The following SLX4IP variants were observed in gnomAD, a reference collection of about 807,000 sequenced individuals.
SLX4IP encodes protein SLX4IP.
Under a neutral mutation model 32.9 loss-of-function variants are expected in SLX4IP, and 34 were observed. The observed-to-expected ratio is 1.03, with a 90% CI of 0.79 to 1.38. The LOEUF (loss-of-function observed/expected upper bound fraction) is 1.38. Among genes scored for constraint, SLX4IP ranks in the 40% most tolerant of loss-of-function variants. The pLI, the probability that SLX4IP is intolerant of heterozygous loss-of-function variation, is 0.00. For missense variants in SLX4IP, 444 were observed against 479.0 expected, an observed-to-expected ratio of 0.93 and a Z score of 0.68; for synonymous variants, 172 against 171.7, an observed-to-expected ratio of 1.00 and a Z score of -0.01.
intron 2 of SLX4IP, among the ~76,000 whole-genome samples, chr20:10,505,114 A>T (rs950731055): frequency 6.6e-6 from 1 of 152,240 alleles, no homozygotes; most frequent in Non-Finnish European, 1.5e-5. Context: ...GACACACTGT[A>T]CTGAGAACTT....
chr20:10,581,616 T>C (rs2066586953), intron 4 of SLX4IP, among the ~76,000 whole-genome samples: 3 of 152,138 alleles, frequency 2.0e-5, no homozygotes, highest in Admixed American at 1.3e-4. Context: ...GCGGACTTTC[T>C]AGTAAAACAA....
chr20:10,527,253 G>C (rs1014734970), intron 2 of SLX4IP, among the ~76,000 whole-genome samples: 2 of 152,110 alleles, frequency 1.3e-5, no homozygotes, highest in South Asian at 4.1e-4. Context: ...TCGCCCATGA[G>C]GGTCCTAACT....
chr20:10,473,545 CAG>C lies in SLX4IP; in HGVS notation c.27+15317_27+15318del, dbSNP rs2065444871. On this transcript the variant is annotated intron_variant, in intron 2 of 7. Coordinates refer to ENST00000334534, the MANE Select transcript of SLX4IP (RefSeq NM_001009608.3). ...ATCATTGTGGTTAATATTTTTCTGC[CAG>C]AGTGTGTCTTGAAGCAGCTTATTCT... Among the ~76,000 whole-genome samples the C allele has an allele frequency of 2.0e-5, 3 of 151,992 alleles. No individual in the cohort carries two copies. In the South Asian group the frequency reaches 6.2e-4, roughly 32 times the overall value.
chr20:10,513,172 G>A (rs1173627722), intron 2 of SLX4IP, among the ~76,000 whole-genome samples: 1 of 152,084 alleles, frequency 6.6e-6, no homozygotes, highest in African/African-American at 2.4e-5. Context: ...GTGCCTGTGT[G>A]CTGGACACTG....
At chr20:10,575,754 A>AT (rs543859133) in intron 4 of SLX4IP, among the ~76,000 whole-genome samples, 58 of 145,570 alleles carry the variant, frequency 4.0e-4, no homozygotes, top group East Asian at 8.0e-4. Flanking sequence ...GTTCCTTTTA[A>AT]TTTTTTTTTT....
chr20:10,621,331 T>G lies in SLX4IP; in HGVS notation c.423T>G (p.His141Gln). The G allele has an allele frequency of 6.2e-7, 1 of 1,614,158 alleles. No homozygotes were observed. Among genetic ancestry groups the G allele is most frequent in the South Asian group, 1.1e-5 (1 of 91,090 alleles). The change falls in exon 7 of 8, where the codon CAT becomes CAG. Residue 141 changes from histidine to glutamine, a missense_variant. Physicochemically the swap from His to Gln is conservative, Grantham distance 24. Coordinates refer to ENST00000334534, the MANE Select transcript of SLX4IP (RefSeq NM_001009608.3). ...TGGAGTAGACAGAAAGAGTTCTCCATGGAGTGTCTGATTACTTTGCTGAGT... is the reference window on the plus strand; with the variant it reads ...TGGAGTAGACAGAAAGAGTTCTCCAGGGAGTGTCTGATTACTTTGCTGAGT... The part of the protein sequence containing the change: ...QNEDLTERVL[H>Q]GVSDYFAECA...
chr20:10,552,392 CTTTTCTTTTTT>C (rs886202253), intron 2 of SLX4IP, among the ~76,000 whole-genome samples: 20 of 150,392 alleles, frequency 1.3e-4, no homozygotes, highest in Non-Finnish European at 2.1e-4. Context: ...AAGAAGCTTT[CTTTTCTTTTTT>C]TTTTCTTTTT....
chr20:10,523,630 C>T (rs1315543057), intron 2 of SLX4IP, among the ~76,000 whole-genome samples: 1 of 152,240 alleles, frequency 6.6e-6, no homozygotes, highest in Admixed American at 6.5e-5. Flanking sequence ...TTCACACCAT[C>T]CTCCACGGGG....
chr20:10,503,806 C>T (rs142405982), intron 2 of SLX4IP, among the ~76,000 whole-genome samples: 1 of 152,164 alleles, frequency 6.6e-6, no homozygotes, highest in Non-Finnish European at 1.5e-5. Context: ...CCTAGGCCTT[C>T]TTGGGTTTGT....
chr20:10,574,371 G>A (rs745629480), intron 4 of SLX4IP, among the ~76,000 whole-genome samples: 8 of 152,166 alleles, frequency 5.3e-5, no homozygotes, highest in Non-Finnish European at 1.2e-4. Context: ...TTGGCCTGCT[G>A]TGAACATACT....
intron 4 of SLX4IP, among the ~76,000 whole-genome samples, chr20:10,581,245 C>G (rs2066582967): frequency 6.6e-6 from 1 of 151,946 alleles, no homozygotes; most frequent in South Asian, 2.1e-4. Context: ...GAGCTGATAG[C>G]AGGAGGTGTG....
intron 1 of SLX4IP, among the ~76,000 whole-genome samples, chr20:10,446,668 T>C (rs2065205076): frequency 6.6e-6 from 1 of 152,208 alleles, no homozygotes; most frequent in South Asian, 2.1e-4. Flanking sequence ...TTCTGGTAGA[T>C]ATGTAGTGAT....
intron 2 of SLX4IP, among the ~76,000 whole-genome samples, chr20:10,508,183 C>T (rs1487436837): frequency 6.6e-6 from 1 of 152,208 alleles, no homozygotes; most frequent in Non-Finnish European, 1.5e-5. Context: ...TGGCCGGAGT[C>T]AGCCAGTGTG....
intron 7 of SLX4IP, 101 bp downstream of exon 7, chr20:10,621,515 C>G: frequency 1.0e-6 from 1 of 987,352 alleles, no homozygotes; most frequent in Admixed American, 2.0e-5. Flanking sequence ...AACTGAAGCA[C>G]AAACTCCCCT....
chr20:10,579,864 G>T (rs1167598301), intron 4 of SLX4IP, among the ~76,000 whole-genome samples: 1 of 151,918 alleles, frequency 6.6e-6, no homozygotes, highest in Non-Finnish European at 1.5e-5. Context: ...GGTCAAAGCT[G>T]GCATTTACTA....
chr20:10,495,724 A>G (rs1319219432), intron 2 of SLX4IP, among the ~76,000 whole-genome samples: 1 of 152,100 alleles, frequency 6.6e-6, no homozygotes, highest in Non-Finnish European at 1.5e-5. Flanking sequence ...ATCCATCTTT[A>G]GTAATTCTGA....
Position 10,475,147 on chromosome 20 carries a change from G to A in SLX4IP, c.27+16916G>A, listed in dbSNP as rs117418718. 8.8e-3 allele frequency among the ~76,000 whole-genome samples: 1,339 copies of A among 152,334 alleles called. 8 individuals are homozygous for A. Among genetic ancestry groups the A allele is most frequent in the Non-Finnish European group, 0.014 (982 of 68,028 alleles). On this transcript the variant is annotated intron_variant, in intron 2 of 7. Transcript: ENST00000334534. The stretch of plus-strand genomic sequence containing the variant: ...CCCTGGAAGCACTGCATTCTGTGGA[G>A]GGCCAGAGCCAGATCCCTGTCTCTG...
At chr20:10,510,011 T>A (rs1332501135) in intron 2 of SLX4IP, among the ~76,000 whole-genome samples, 1 of 152,194 alleles carries the variant, frequency 6.6e-6, no homozygotes, top group Non-Finnish European at 1.5e-5. Context: ...TATAATAGAA[T>A]ATTATGCAGC....
chr20:10,488,285 CAG>C (rs1227293326), intron 2 of SLX4IP, among the ~76,000 whole-genome samples: 1 of 152,156 alleles, frequency 6.6e-6, no homozygotes, highest in Non-Finnish European at 1.5e-5. Context: ...CATTTGGACA[CAG>C]AGACAGCACA....
Sources: gnomAD v4.1 joint callset for allele counts (sites outside exome capture counted in the v4.1 genomes callset) on GRCh38, gnomAD v4.1.1 for gene constraint, MANE v1.5 for transcripts, NCBI Gene and HGNC (gene_info 2026-07-23, HGNC 2026-07-21) for gene names.